Variants in ADGRB3 observed in about 807,000 individuals in gnomAD.
ADGRB3 encodes the protein adhesion G protein-coupled receptor B3.
In ADGRB3, 37 loss-of-function variants were observed where a neutral mutation model predicts 193.4. The ratio of observed to expected loss-of-function variants is 0.19; its 90% CI spans 0.15 to 0.25. The LOEUF is 0.25. ADGRB3 is among the 10% of genes least tolerant of loss of function. ADGRB3 has a pLI of 1.00. For missense variants in ADGRB3, 1,637 were observed against 1,852.9 expected (o/e 0.88, Z 2.14); for synonymous variants, 690 against 644.2 (o/e 1.07, Z -1.08).
At chr6:68,945,287 ATTATGAGTGTAAC>A (rs1284713853) in intron 6 of ADGRB3, among the ~76,000 whole-genome samples, 1 of 152,096 alleles carries the variant, frequency 6.6e-6, no homozygotes, top group Non-Finnish European at 1.5e-5. Context: ...AATTCTGTGA[ATTATGAGTGTAAC>A]TTATGAGTTA....
At chr6:69,146,821 CTTTTT>C (rs756561473) in intron 17 of ADGRB3, among the ~76,000 whole-genome samples, 2 of 103,238 alleles carry the variant, frequency 1.9e-5, no homozygotes, top group Non-Finnish European at 3.7e-5. Flanking sequence ...CTCATTACTT[CTTTTT>C]TTTTTTTTTT....
intron 3 of ADGRB3, among the ~76,000 whole-genome samples, chr6:68,924,124 A>C (rs569132518): frequency 2.6e-5 from 4 of 152,026 alleles, no homozygotes; most frequent in Non-Finnish European, 5.9e-5. Context: ...AATAAAACAT[A>C]TTTTTAAGCA....
At chr6:69,146,608 A>G (rs1582497748) in intron 17 of ADGRB3, among the ~76,000 whole-genome samples, 1 of 152,136 alleles carries the variant, frequency 6.6e-6, no homozygotes, top group South Asian at 2.1e-4. Context: ...CAGGACTTCC[A>G]CCTGTTCCCA....
At chr6:69,011,659 G>T (rs760318927) in intron 11 of ADGRB3, among the ~76,000 whole-genome samples, 6 of 152,010 alleles carry the variant, frequency 3.9e-5, no homozygotes, top group Non-Finnish European at 8.8e-5. Flanking sequence ...AAAGAAAAAA[G>T]AAAGAGAAGC....
chr6:68,967,616 C>G (rs1014762792), intron 8 of ADGRB3, among the ~76,000 whole-genome samples: 1 of 151,794 alleles, frequency 6.6e-6, no homozygotes, highest in African/African-American at 2.4e-5. Flanking sequence ...CCTCCACCCC[C>G]GCCCCACACA....
intron 3 of ADGRB3, among the ~76,000 whole-genome samples, chr6:68,828,959 A>T (rs1346240998): frequency 6.6e-6 from 1 of 152,104 alleles, no homozygotes; most frequent in Non-Finnish European, 1.5e-5. Context: ...TTATCTTATA[A>T]TTTTTAAAAT....
chr6:69,340,691 G>A (rs575868845), intron 26 of ADGRB3, among the ~76,000 whole-genome samples: 8 of 152,214 alleles, frequency 5.3e-5, no homozygotes, highest in African/African-American at 1.7e-4. Context: ...AGGTATACAT[G>A]TGCCATGGTG....
chr6:68,893,528 T>C (rs1766136438), intron 3 of ADGRB3, among the ~76,000 whole-genome samples: 1 of 150,378 alleles, frequency 6.6e-6, no homozygotes, highest in Admixed American at 6.6e-5. Flanking sequence ...GACAACCAAC[T>C]CTTTTTTTTT....
intron 17 of ADGRB3, among the ~76,000 whole-genome samples, chr6:69,140,514 G>T (rs9454705): frequency 6.6e-6 from 1 of 151,910 alleles, no homozygotes; most frequent in Admixed American, 6.6e-5. Context: ...GGTGGTGGGC[G>T]CCAGGAGGAA....
At chr6:69,307,359 A>G (rs1362912049) in intron 20 of ADGRB3, among the ~76,000 whole-genome samples, 2 of 151,602 alleles carry the variant, frequency 1.3e-5, no homozygotes, top group Admixed American at 6.6e-5. Context: ...AAAGATAATT[A>G]TTTCTATGTT....
intron 3 of ADGRB3, among the ~76,000 whole-genome samples, chr6:68,673,005 C>A (rs181263079): frequency 1.3e-4 from 20 of 151,864 alleles, no homozygotes; most frequent in African/African-American, 1.7e-4. Flanking sequence ...ATTATGTGAG[C>A]CAAAATTCCT....
chr6:69,361,277 T>G lies in ADGRB3; in HGVS notation c.4004T>G (p.Leu1335Trp), dbSNP rs2127332541. ...ESKMNIGMETLPHERLLHYKV... is the reference protein window; with the variant it reads ...ESKMNIGMETWPHERLLHYKV... ...AAAATGAATATTGGCATGGAAACCT[T>G]GCCGCATGAAAGGCTATTGCACTAC... Residue 1335 changes from leucine to tryptophan, a missense_variant, in exon 29 of 32, where the codon TTG becomes TGG. Leu to Trp is a moderately conservative substitution (Grantham distance 61). Around this residue, in one of 7 missense-constraint regions of ADGRB3, gnomAD observed 368 missense variants for 367.4 expected, o/e 1.00. Coordinates refer to ENST00000370598, the MANE Select transcript of ADGRB3 (RefSeq NM_001704.3). 6.2e-7 allele frequency: 1 copy of G among 1,612,874 alleles called. No individual in the cohort carries two copies. The highest frequency in any genetic ancestry group is 8.5e-7 in the Non-Finnish European group (1 of 1,179,282).
intron 3 of ADGRB3, among the ~76,000 whole-genome samples, chr6:68,904,927 A>G (rs1386179341): frequency 2.6e-5 from 4 of 152,178 alleles, no homozygotes; most frequent in African/African-American, 7.2e-5. Context: ...CAAAAATGAA[A>G]ATCTTTCTTC....
intron 3 of ADGRB3, among the ~76,000 whole-genome samples, chr6:68,871,259 A>AT (rs1261725977): frequency 2.0e-5 from 3 of 152,240 alleles, no homozygotes; most frequent in South Asian, 2.1e-4. Flanking sequence ...TGAAGAATTT[A>AT]TTTTTTTCCA....
intron 3 of ADGRB3, among the ~76,000 whole-genome samples, chr6:68,870,369 A>G (rs1275493235): frequency 1.3e-5 from 2 of 152,200 alleles, no homozygotes; most frequent in African/African-American, 2.4e-5. Flanking sequence ...GAAATTTTAC[A>G]TAGAATTCTT....
intron 3 of ADGRB3, among the ~76,000 whole-genome samples, chr6:68,857,632 C>G (rs1765025354): frequency 6.6e-6 from 1 of 152,184 alleles, no homozygotes; most frequent in Non-Finnish European, 1.5e-5. Context: ...TTTTATTTTA[C>G]AGACTCATAG....
At chr6:68,817,343 AT>A in intron 3 of ADGRB3, among the ~76,000 whole-genome samples, 2 of 101,884 alleles carry the variant, frequency 2.0e-5, no homozygotes, top group African/African-American at 6.0e-5. Flanking sequence ...ATATATATAT[AT>A]ATATATATAT....
At chr6:68,871,287 C>G (rs983706985) in intron 3 of ADGRB3, among the ~76,000 whole-genome samples, 1 of 152,048 alleles carries the variant, frequency 6.6e-6, no homozygotes, top group Admixed American at 6.5e-5. Context: ...TTGAAAAATG[C>G]TTAATTAACA....
intron 3 of ADGRB3, among the ~76,000 whole-genome samples, chr6:68,667,452 C>T (rs1417209599): frequency 6.6e-6 from 1 of 151,822 alleles, no homozygotes; most frequent in Admixed American, 6.6e-5. Flanking sequence ...ATATTATAAT[C>T]TTGAAAGAAA....
Sources: gnomAD v4.1 joint callset for allele counts (sites outside exome capture counted in the v4.1 genomes callset) on GRCh38, gnomAD v4.1.1 for gene constraint, gnomAD v4.1.1 regional missense constraint, MANE v1.5 for transcripts, NCBI Gene and HGNC (gene_info 2026-07-23, HGNC 2026-07-21) for gene names.